The following UNC5D variants were observed in gnomAD, a reference collection of about 807,000 sequenced individuals.
UNC5D encodes the protein netrin receptor UNC5D.
A neutral mutation model predicts 105.4 loss-of-function variants in UNC5D; 39 were observed. The observed-to-expected ratio is 0.37, with a 90% CI of 0.29 to 0.48. The LOEUF (loss-of-function observed/expected upper bound fraction) is 0.48. UNC5D is among the 20% of genes least tolerant of loss of function. UNC5D has a pLI of 0.98. For missense variants in UNC5D, 991 were observed against 1,202.4 expected (o/e 0.82, Z 2.60); for synonymous variants, 452 against 450.4 (o/e 1.00, Z -0.04).
rs564638222 is a variant in UNC5D, at chr8:35,790,345, C to T, written c.2658-14C>T. On this transcript the variant is annotated splice_polypyrimidine_tract_variant and intron_variant, in intron 16 of 16. Transcript: ENST00000404895. ...GTTTCGTTTTGTTCTTTGTGTTTAA[C>T]TCTCTCCATCTAGGAATTTATCTTA... The T allele has an allele frequency of 1.2e-6, 2 of 1,612,704 alleles. No homozygotes were observed. Among genetic ancestry groups the T allele is most frequent in the South Asian group, 2.2e-5 (2 of 91,064 alleles).
intron 1 of UNC5D, among the ~76,000 whole-genome samples, chr8:35,324,243 A>AAAAAAAAAAAAC (rs1809977068): frequency 6.6e-6 from 1 of 150,958 alleles, no homozygotes. Flanking sequence ...CAAAAAAAAA[A>AAAAAAAAAAAAC]AAAAAAAAAA....
At chr8:35,346,898 A>T (rs1484480119) in intron 1 of UNC5D, among the ~76,000 whole-genome samples, 1 of 151,812 alleles carries the variant, frequency 6.6e-6, no homozygotes, top group East Asian at 1.9e-4. Context: ...TCACGTAATG[A>T]TTTTCCCTTT....
At chr8:35,394,098 C>T (rs1023550207) in intron 1 of UNC5D, among the ~76,000 whole-genome samples, 1 of 152,188 alleles carries the variant, frequency 6.6e-6, no homozygotes, top group Non-Finnish European at 1.5e-5. Flanking sequence ...AGGCAAACCA[C>T]TTAACCTTTC....
intron 4 of UNC5D, among the ~76,000 whole-genome samples, chr8:35,660,769 A>G (rs1386046456): frequency 2.6e-5 from 4 of 152,116 alleles, no homozygotes; most frequent in African/African-American, 7.2e-5. Context: ...AGTCTGGCTG[A>G]CAACCACCTA....
At chr8:35,478,898 C>G (rs985213516) in intron 1 of UNC5D, among the ~76,000 whole-genome samples, 4 of 152,092 alleles carry the variant, frequency 2.6e-5, no homozygotes, top group African/African-American at 9.7e-5. Context: ...ATTTAAATTA[C>G]ATTTCAAACT....
intron 1 of UNC5D, among the ~76,000 whole-genome samples, chr8:35,512,901 G>C (rs923981236): frequency 6.6e-6 from 1 of 151,810 alleles, no homozygotes; most frequent in East Asian, 2.0e-4. Flanking sequence ...AACTGGCCTT[G>C]ACCTCCGGAC....
intron 1 of UNC5D, among the ~76,000 whole-genome samples, chr8:35,263,981 C>A (rs1345282045): frequency 1.3e-5 from 2 of 152,200 alleles, no homozygotes; most frequent in East Asian, 1.9e-4. Flanking sequence ...TAATTAATAC[C>A]AGTATTTATT....
chr8:35,569,029 T>G (rs1340727343), intron 3 of UNC5D, among the ~76,000 whole-genome samples: 1 of 144,334 alleles, frequency 6.9e-6, no homozygotes, highest in Admixed American at 7.0e-5. Context: ...TAAAACTGCA[T>G]TAGTTTGACC....
chr8:35,564,640 G>T (rs190338173), intron 2 of UNC5D, among the ~76,000 whole-genome samples: 1 of 152,102 alleles, frequency 6.6e-6, no homozygotes, highest in Non-Finnish European at 1.5e-5. Context: ...GTGGTTTTTG[G>T]TTACACGGAT....
chr8:35,422,988 T>G (rs1484432081), intron 1 of UNC5D, among the ~76,000 whole-genome samples: 2 of 152,174 alleles, frequency 1.3e-5, no homozygotes, highest in Non-Finnish European at 2.9e-5. Context: ...TTGCCTCAGG[T>G]TATGCAGTTA....
chr8:35,438,979 AG>A (rs1160241332), intron 1 of UNC5D, among the ~76,000 whole-genome samples: 4 of 152,012 alleles, frequency 2.6e-5, no homozygotes, highest in African/African-American at 4.8e-5. Context: ...AGATGGACGC[AG>A]GGGGCCAGAA....
intron 1 of UNC5D, among the ~76,000 whole-genome samples, chr8:35,345,910 T>G (rs531225139): frequency 6.6e-6 from 1 of 152,158 alleles, no homozygotes; most frequent in African/African-American, 2.4e-5. Flanking sequence ...GAAAGAAGAT[T>G]TGCACACTTT....
intron 4 of UNC5D, among the ~76,000 whole-genome samples, chr8:35,667,625 A>G (rs1824511150): frequency 6.6e-6 from 1 of 152,200 alleles, no homozygotes; most frequent in Admixed American, 6.5e-5. Context: ...TATAAGAAGA[A>G]CATACCAATC....
At chr8:35,635,791 A>G (rs1822333220) in intron 4 of UNC5D, among the ~76,000 whole-genome samples, 2 of 152,214 alleles carry the variant, frequency 1.3e-5, no homozygotes, top group Non-Finnish European at 2.9e-5. Context: ...CAAAAATTGT[A>G]TGGAAAGGAA....
intron 8 of UNC5D, chr8:35,721,384 G>A: frequency 1.4e-6 from 1 of 702,464 alleles, no homozygotes; most frequent in East Asian, 2.7e-5. Context: ...ACATCTTGCG[G>A]GGTGGGGAGG....
chr8:35,550,238 T>C (rs1816023296), intron 2 of UNC5D, among the ~76,000 whole-genome samples: 1 of 152,206 alleles, frequency 6.6e-6, no homozygotes, highest in Non-Finnish European at 1.5e-5. Flanking sequence ...TATTACCTTC[T>C]CGTAGACAAG....
At chr8:35,380,104 A>G (rs1268476208) in intron 1 of UNC5D, among the ~76,000 whole-genome samples, 127 of 67,478 alleles carry the variant, frequency 1.9e-3, no homozygotes, top group African/African-American at 3.3e-3. Context: ...GGGGTCGGGG[A>G]GAGAGAGAGA....
intron 1 of UNC5D, among the ~76,000 whole-genome samples, chr8:35,335,673 T>C (rs1336058423): frequency 1.3e-5 from 2 of 151,640 alleles, no homozygotes; most frequent in African/African-American, 4.8e-5. Context: ...ACTTGTAACA[T>C]GAGATGTGAA....
At chr8:35,462,720 A>G (rs1338233487) in intron 1 of UNC5D, among the ~76,000 whole-genome samples, 1 of 152,184 alleles carries the variant, frequency 6.6e-6, no homozygotes, top group African/African-American at 2.4e-5. Context: ...GGAAAATGGG[A>G]TCTCTTTCCC....
Sources: allele counts gnomAD v4.1 joint callset (sites outside exome capture counted in the v4.1 genomes callset), GRCh38; gene constraint gnomAD v4.1.1; transcripts MANE v1.5; gene names NCBI Gene and HGNC (gene_info 2026-07-23, HGNC 2026-07-21).